Variants in MAP3K15 observed in about 807,000 individuals in gnomAD.
MAP3K15 encodes mitogen-activated protein kinase kinase kinase 15.
MAP3K15 carries 124 observed loss-of-function variants against 99.5 expected under a neutral mutation model. That is an observed-to-expected ratio of 1.25 (90% confidence interval 1.08 to 1.45). The LOEUF is 1.45. Among genes scored for constraint, MAP3K15 ranks in the 40% most tolerant of loss-of-function variants. The pLI is 0.00. For synonymous variants in MAP3K15, 494 were observed against 439.6 expected (o/e 1.12, Z -1.55); for missense variants, 1,242 against 1,079.7 (o/e 1.15, Z -2.11).
chrX:19,456,290 C>T (rs767969963), intron 6 of MAP3K15, among the ~76,000 whole-genome samples: 2 of 112,099 alleles, frequency 1.8e-5, no homozygotes, highest in East Asian at 2.8e-4. Context: ...CCAAGGACTA[C>T]GCGACGGCAA....
intron 1 of MAP3K15, among the ~76,000 whole-genome samples, chrX:19,492,574 A>T (rs1424087669): frequency 9.0e-6 from 1 of 111,466 alleles, no homozygotes; most frequent in African/African-American, 3.3e-5. Flanking sequence ...CCCCAAAGAC[A>T]TTTGCTTAGA....
At chrX:19,412,231 G>C (rs775288868) in intron 11 of MAP3K15, among the ~76,000 whole-genome samples, 3 of 112,040 alleles carry the variant, frequency 2.7e-5, no homozygotes, top group East Asian at 2.8e-4. Context: ...AGAACTTCTT[G>C]ATTTGGGAGG....
intron 9 of MAP3K15, among the ~76,000 whole-genome samples, chrX:19,421,326 CAA>C (rs2063782239): frequency 8.9e-6 from 1 of 111,761 alleles, no homozygotes; most frequent in African/African-American, 3.3e-5. Flanking sequence ...GCAACTTCAG[CAA>C]AGTCTCAGGA....
At chrX:19,472,012 G>A (rs1185236005) in intron 3 of MAP3K15, among the ~76,000 whole-genome samples, 1 of 111,000 alleles carries the variant, frequency 9.0e-6, no homozygotes, top group African/African-American at 3.3e-5. Flanking sequence ...CACGAGGCCA[G>A]GAGATTGAGA....
chrX:19,489,924 T>A (rs2064355870), intron 1 of MAP3K15, among the ~76,000 whole-genome samples: 1 of 110,293 alleles, frequency 9.1e-6, no homozygotes, highest in Non-Finnish European at 1.9e-5. Flanking sequence ...TAATCCCAGC[T>A]ACTCGGGAGG....
intron 21 of MAP3K15, 150 bp downstream of exon 21, chrX:19,373,386 G>T (rs763156619): frequency 1.5e-6 from 1 of 658,688 alleles, no homozygotes; most frequent in Middle Eastern, 5.1e-4. Flanking sequence ...CCTCCTTGCC[G>T]GGATGGGGCG....
intron 20 of MAP3K15, 133 bp downstream of exon 20, chrX:19,374,344 C>T (rs977046831): frequency 2.6e-5 from 15 of 586,457 alleles, no homozygotes; most frequent in African/African-American, 2.3e-4. Context: ...CGTCACTCTT[C>T]ACAAAAATGG....
intron 1 of MAP3K15, among the ~76,000 whole-genome samples, chrX:19,493,403 G>A (rs1283502361): frequency 3.7e-5 from 4 of 108,229 alleles, no homozygotes; most frequent in African/African-American, 1.3e-4. Context: ...AAACTGCCTC[G>A]AATCTAAAGT....
chrX:19,480,461 C>G (rs1470200308), intron 3 of MAP3K15, among the ~76,000 whole-genome samples: 1 of 110,424 alleles, frequency 9.1e-6, no homozygotes, highest in Non-Finnish European at 1.9e-5. Flanking sequence ...GCTGCGGTGA[C>G]AGAGTAAGAC....
chrX:19,379,287 C>T (rs1361757898), intron 19 of MAP3K15, among the ~76,000 whole-genome samples: 1 of 107,742 alleles, frequency 9.3e-6, no homozygotes, highest in Non-Finnish European at 1.9e-5. Flanking sequence ...CTCCTAGTTT[C>T]CTTTTTCTTT....
intron 6 of MAP3K15, among the ~76,000 whole-genome samples, chrX:19,456,224 C>T (rs757812679): frequency 2.7e-5 from 3 of 111,918 alleles, no homozygotes; most frequent in Non-Finnish European, 5.6e-5. Context: ...ATCCCCAAAC[C>T]GCAAACAACC....
At chrX:19,513,466 T>C (rs2064534870) in intron 1 of MAP3K15, among the ~76,000 whole-genome samples, 1 of 111,680 alleles carries the variant, frequency 9.0e-6, no homozygotes, top group South Asian at 3.8e-4. Flanking sequence ...TCTAAAAAGA[T>C]GTTGTGCTGA....
intron 7 of MAP3K15, among the ~76,000 whole-genome samples, chrX:19,427,616 T>C (rs1569221765): frequency 9.0e-6 from 1 of 111,275 alleles, no homozygotes; most frequent in South Asian, 3.8e-4. Context: ...TTTCTATACA[T>C]GAAAAGTTCA....
chrX:19,411,626 C>T (rs2063688957), intron 11 of MAP3K15, among the ~76,000 whole-genome samples: 1 of 109,382 alleles, frequency 9.1e-6, no homozygotes, highest in Non-Finnish European at 1.9e-5. Flanking sequence ...CGTTGTTCAA[C>T]AGGATGTTCA....
intron 25 of MAP3K15, among the ~76,000 whole-genome samples, chrX:19,368,102 A>C (rs2063348476): frequency 9.1e-6 from 1 of 110,441 alleles, no homozygotes; most frequent in Admixed American, 9.7e-5. Flanking sequence ...GACTTCCCAG[A>C]GCAAACAGGA....
chrX:19,482,700 A>G (rs1187071354), intron 3 of MAP3K15, among the ~76,000 whole-genome samples: 4 of 112,297 alleles, frequency 3.6e-5, no homozygotes, highest in African/African-American at 1.3e-4. Context: ...TATGTCATTT[A>G]TTAAAAATCA....
At chrX:19,423,835 A>T (rs2063807086) in intron 9 of MAP3K15, among the ~76,000 whole-genome samples, 1 of 111,833 alleles carries the variant, frequency 8.9e-6, no homozygotes, top group Non-Finnish European at 1.9e-5. Flanking sequence ...ACACTGTATC[A>T]GTTCGACCTC....
intron 11 of MAP3K15, among the ~76,000 whole-genome samples, chrX:19,411,809 T>A (rs1268635762): frequency 1.8e-5 from 2 of 110,723 alleles, no homozygotes; most frequent in Non-Finnish European, 3.8e-5. Context: ...ATGGCTACAG[T>A]GGAGTGAGCG....
chrX:19,512,788 A>G (rs896814807), intron 1 of MAP3K15, among the ~76,000 whole-genome samples: 2 of 111,191 alleles, frequency 1.8e-5, no homozygotes, highest in African/African-American at 3.3e-5. Flanking sequence ...CACTAGTGCA[A>G]CTAAGGATCT....
Sources: gnomAD v4.1 joint callset for allele counts (sites outside exome capture counted in the v4.1 genomes callset) on GRCh38, gnomAD v4.1.1 for gene constraint, MANE v1.5 for transcripts, NCBI Gene and HGNC (gene_info 2026-07-23, HGNC 2026-07-21) for gene names.